Variants in SYNE1 observed in about 807,000 individuals in gnomAD.
SYNE1 encodes the protein nesprin-1.
In SYNE1, 616 loss-of-function variants were observed where a neutral mutation model predicts 1,111.0. The ratio of observed to expected loss-of-function variants is 0.55; its 90% CI spans 0.52 to 0.59. The LOEUF (loss-of-function observed/expected upper bound fraction) is 0.59. Ranked by LOEUF, SYNE1 falls within the 20% of genes least tolerant of loss-of-function variation. The probability of loss-of-function intolerance (pLI) is 0.00; values close to 1 mark genes in which losing one functional copy is unlikely to be tolerated. For missense variants in SYNE1, 10,006 were observed against 10,417.0 expected (o/e 0.96, Z 1.72); for synonymous variants, 3,855 against 3,825.8 (o/e 1.01, Z -0.28).
intron 126 of SYNE1, among the ~76,000 whole-genome samples, chr6:152,204,973 G>A (rs2076225867): frequency 6.6e-6 from 1 of 152,106 alleles, no homozygotes; most frequent in South Asian, 2.1e-4. Context: ...GCAAAAGGAA[G>A]AAAATGAACC....
At chr6:152,283,264 T>C (rs2094137115) in intron 96 of SYNE1, among the ~76,000 whole-genome samples, 2 of 152,232 alleles carry the variant, frequency 1.3e-5, no homozygotes, top group South Asian at 4.1e-4. Flanking sequence ...TTTCATGAAT[T>C]ACTATGTCTG....
intron 29 of SYNE1, among the ~76,000 whole-genome samples, chr6:152,446,491 C>G (rs2098593693): frequency 6.6e-6 from 1 of 152,034 alleles, no homozygotes; most frequent in Non-Finnish European, 1.5e-5. Flanking sequence ...GCACTAGAGT[C>G]TCAAGCAGAT....
Position 152,218,255 on chromosome 6 carries a change from A to G in SYNE1, c.22191+2T>C, listed in dbSNP as rs1218942837. The G allele has an allele frequency of 6.2e-7, 1 of 1,613,924 alleles. No homozygotes were observed. Among genetic ancestry groups the G allele is most frequent in the African/African-American group, 1.3e-5 (1 of 74,908 alleles). On this transcript the variant is annotated splice_donor_variant, in intron 121 of 145. Coordinates refer to ENST00000367255, the MANE Select transcript of SYNE1 (RefSeq NM_182961.4). LOFTEE classifies it high-confidence loss of function. ...CTGGGACTCAGATTTGAACACACTT[A>G]CCTTAAGTTCTTCCATCCTTTCCTG...
chr6:152,578,508 C>G (rs1474868550), intron 3 of SYNE1, among the ~76,000 whole-genome samples: 3 of 152,130 alleles, frequency 2.0e-5, no homozygotes, highest in African/African-American at 7.2e-5. Context: ...GCAGGAGAAT[C>G]ACTTGAACAT....
chr6:152,365,967 T>C (rs1701429744), intron 62 of SYNE1, among the ~76,000 whole-genome samples: 1 of 152,144 alleles, frequency 6.6e-6, no homozygotes, highest in African/African-American at 2.4e-5. Flanking sequence ...CTCACACTTT[T>C]CCCCTCTCTG....
At chr6:152,518,338 T>A (rs1417129995) in intron 6 of SYNE1, among the ~76,000 whole-genome samples, 1 of 150,988 alleles carries the variant, frequency 6.6e-6, no homozygotes, top group African/African-American at 2.4e-5. Context: ...GGAGGGCGAG[T>A]TCTTATCAAT....
intron 6 of SYNE1, chr6:152,511,420 T>C (rs1594340020): frequency 1.5e-6 from 1 of 678,140 alleles, no homozygotes; most frequent in East Asian, 2.8e-5. Context: ...TTATTATTTA[T>C]ATTTAGAGGT....
intron 42 of SYNE1, chr6:152,410,443 C>CA (rs2098009730): frequency 1.3e-5 from 2 of 148,460 alleles, no homozygotes; most frequent in Admixed American, 6.8e-5. Context: ...CACACACAAA[C>CA]AAAAAACAGC....
In SYNE1 at chr6:152,463,534, G is replaced by A; in HGVS notation, c.1933-17C>T. On this transcript the variant is annotated splice_polypyrimidine_tract_variant and intron_variant, in intron 18 of 145. Coordinates refer to ENST00000367255, the MANE Select transcript of SYNE1 (RefSeq NM_182961.4). ...AAAAAAATCCTAAACAATAAATAATGCACAATATCATAAACCATAAACCAA... is the reference window on the plus strand; with the variant it reads ...AAAAAAATCCTAAACAATAAATAATACACAATATCATAAACCATAAACCAA... 6.3e-7 allele frequency: 1 copy of A among 1,594,738 alleles called. No homozygotes were observed. The highest frequency in any genetic ancestry group is 2.2e-5 in the East Asian group (1 of 44,644).
chr6:152,551,087 C>G (rs551292758), intron 3 of SYNE1, among the ~76,000 whole-genome samples: 14 of 152,150 alleles, frequency 9.2e-5, no homozygotes, highest in Non-Finnish European at 1.9e-4. Flanking sequence ...TTCCTGACAC[C>G]TTTTCCTTCC....
chr6:152,337,207 T>TA (rs201427355), intron 75 of SYNE1, among the ~76,000 whole-genome samples, 190 bp from the exon 76 acceptor site: 24 of 152,006 alleles, frequency 1.6e-4, no homozygotes, highest in South Asian at 1.2e-3. Flanking sequence ...CAGATTTTTT[T>TA]TAAAAAAATG....
intron 75 of SYNE1, among the ~76,000 whole-genome samples, chr6:152,338,376 C>G (rs1409954738): frequency 2.0e-5 from 3 of 152,118 alleles, no homozygotes; most frequent in Non-Finnish European, 2.9e-5. Flanking sequence ...AATCCCAGCA[C>G]TTTGGTAGGC....
At chr6:152,299,367 A>C (rs1382360381) in intron 93 of SYNE1, among the ~76,000 whole-genome samples, 2 of 152,240 alleles carry the variant, frequency 1.3e-5, no homozygotes, top group African/African-American at 2.4e-5. Context: ...TAAAATGAGA[A>C]TTTGAAAAAC....
rs9322369 is a variant in SYNE1 at position 152,346,796 on chromosome 6, T to A, written c.12078+263A>T. On this transcript the variant is annotated intron_variant, in intron 73 of 145. Transcript: ENST00000367255. Reference sequence around the variant, plus strand: ...CTGCACTCCAGCCTGTGCGACAGAGTGAGACTCCGTCTCAAACAAAACAAA... The same window carrying A: ...CTGCACTCCAGCCTGTGCGACAGAGAGAGACTCCGTCTCAAACAAAACAAA... 0.54 allele frequency among the ~76,000 whole-genome samples: 81,179 copies of A among 150,928 alleles called. 22,614 individuals carry two copies. The highest frequency in any genetic ancestry group is 0.65 in the East Asian group (3,288 of 5,066).
intron 14 of SYNE1, among the ~76,000 whole-genome samples, chr6:152,473,436 A>T (rs1288756280): frequency 6.6e-6 from 1 of 152,234 alleles, no homozygotes; most frequent in East Asian, 1.9e-4. Context: ...TATAAATTAA[A>T]ATGTTCAGGT....
In SYNE1 at chr6:152,331,758, A is replaced by G. The variant is rs532284303; in HGVS notation, c.12927T>C (p.Asp4309=). 1.2e-6 allele frequency: 2 copies of G among 1,614,212 alleles called. No individual in the cohort carries two copies. Among genetic ancestry groups the G allele is most frequent in the Non-Finnish European group, 1.7e-6 (2 of 1,180,040 alleles). Residue 4309 remains aspartate, a synonymous_variant, in exon 78 of 146, where the codon GAT becomes GAC. Transcript: ENST00000367255. ...TCTGTTCTTTGACTAACTCCTTGTC[A>G]TCTAAATTCAGATGCTCTATCATTT... ...KQKMIEHLNL[D]DKELVKEQTS... is the part of the protein sequence containing the mutation.
At chr6:152,451,635 C>T (rs1489535286) in intron 25 of SYNE1, among the ~76,000 whole-genome samples, 5 of 151,746 alleles carry the variant, frequency 3.3e-5, no homozygotes, top group Non-Finnish European at 5.9e-5. Flanking sequence ...GGCAGCACCA[C>T]CATGCCCAGC....
intron 49 of SYNE1, among the ~76,000 whole-genome samples, chr6:152,397,285 T>C (rs2097749677): frequency 6.6e-6 from 1 of 152,176 alleles, no homozygotes; most frequent in African/African-American, 2.4e-5. Flanking sequence ...GTCCACCATC[T>C]CTCAGGGTTC....
rs748706607 is a variant in SYNE1 at position 152,143,712 on chromosome 6, C to T, written c.25030G>A (p.Asp8344Asn). ...QIRQLGKALD[D>N]SRFQIQQTEN... The stretch of plus-strand genomic sequence containing the variant: ...GTTTGCTGTATCTGAAAACGGCTAT[C>T]ATCCAGGGCTTTGCCCAGTTGTCGG... Residue 8344 changes from aspartate (D) to asparagine (N), a missense_variant, in exon 138 of 146, where the codon GAT becomes AAT. This residue lies in a region of SYNE1 where 761 missense variants were observed against 795.5 expected (regional missense o/e 0.96). Coordinates refer to ENST00000367255, the MANE Select transcript of SYNE1 (RefSeq NM_182961.4). 3.0e-5 allele frequency: 48 copies of T among 1,614,082 alleles called. No homozygotes were observed. The South Asian group carries it at 5.3e-4, about 18-fold the overall frequency.
Sources: gnomAD v4.1 joint callset for allele counts (sites outside exome capture counted in the v4.1 genomes callset) on GRCh38, gnomAD v4.1.1 for gene constraint, gnomAD v4.1.1 regional missense constraint, MANE v1.5 for transcripts, NCBI Gene and HGNC (gene_info 2026-07-23, HGNC 2026-07-21) for gene names.